The following PDE3A variants were observed in gnomAD, a reference collection of about 807,000 sequenced individuals.
PDE3A encodes the protein phosphodiesterase 3A.
A neutral mutation model predicts 98.3 loss-of-function variants in PDE3A; 43 were observed. The ratio of observed to expected loss-of-function variants is 0.44; its 90% CI spans 0.34 to 0.56. PDE3A has a LOEUF of 0.56. PDE3A is among the 20% of genes least tolerant of loss of function. The pLI is 0.01. For missense variants in PDE3A, 1,427 were observed against 1,440.7 expected, an observed-to-expected ratio of 0.99 and a Z score of 0.15; for synonymous variants, 663 against 567.9, an observed-to-expected ratio of 1.17 and a Z score of -2.38.
intron 15 of PDE3A, among the ~76,000 whole-genome samples, chr12:20,660,704 T>A (rs942544708): frequency 7.2e-5 from 11 of 152,218 alleles, no homozygotes; most frequent in African/African-American, 2.7e-4. Context: ...CTGCCATCCA[T>A]GTAAGATGTG....
intron 1 of PDE3A, among the ~76,000 whole-genome samples, chr12:20,546,888 A>G (rs2121238283): frequency 6.6e-6 from 1 of 152,178 alleles, no homozygotes; most frequent in South Asian, 2.1e-4. Flanking sequence ...TTCCCTAGAT[A>G]ATTTTTTCTT....
At position 20,677,913 on chromosome 12, in the gene PDE3A, G is replaced by T. The variant is rs191070522; in HGVS notation, c.3185-2117G>T. On this transcript the variant is annotated intron_variant, in intron 15 of 15. Coordinates refer to ENST00000359062, the MANE Select transcript of PDE3A (RefSeq NM_000921.5). ...TCTATGATTCCTTCAGTGGCTTAGA[G>T]TGTGGTTATTAGTGGAAGCCTGTTG... 3.8e-3 allele frequency among the ~76,000 whole-genome samples: 571 copies of T among 151,330 alleles called. 3 individuals carry two copies. The highest frequency in any genetic ancestry group is 0.014 in the Middle Eastern group (4 of 294).
At chr12:20,591,514 A>C (rs10770673) in intron 2 of PDE3A, among the ~76,000 whole-genome samples, 1 of 152,134 alleles carries the variant, frequency 6.6e-6, no homozygotes, top group African/African-American at 2.4e-5. Context: ...AAGTAGCCAC[A>C]GGAGTGGCTT....
At chr12:20,475,221 G>GTGTGTGTGT in intron 1 of PDE3A, among the ~76,000 whole-genome samples, 1 of 145,496 alleles carries the variant, frequency 6.9e-6, no homozygotes, top group South Asian at 2.2e-4. Context: ...GTGTGTGTAT[G>GTGTGTGTGT]TTCCTTCTTT....
At chr12:20,510,464 A>C (rs1265504565) in intron 1 of PDE3A, among the ~76,000 whole-genome samples, 1 of 152,122 alleles carries the variant, frequency 6.6e-6, no homozygotes, top group Non-Finnish European at 1.5e-5. Context: ...GAAAAATAGA[A>C]AAAGAGAGAA....
At chr12:20,389,763 T>C (rs537544687) in intron 1 of PDE3A, among the ~76,000 whole-genome samples, 13 of 152,100 alleles carry the variant, frequency 8.5e-5, no homozygotes, top group East Asian at 3.9e-4. Flanking sequence ...AGAAAGGTCA[T>C]AGCTAAATTT....
At chr12:20,474,336 G>A (rs945491587) in intron 1 of PDE3A, among the ~76,000 whole-genome samples, 10 of 151,930 alleles carry the variant, frequency 6.6e-5, no homozygotes, top group South Asian at 2.1e-4. Flanking sequence ...GTCTTTTGTC[G>A]TCTAGATATA....
intron 15 of PDE3A, among the ~76,000 whole-genome samples, chr12:20,674,220 G>T (rs1592174244): frequency 6.6e-6 from 1 of 152,024 alleles, no homozygotes; most frequent in Admixed American, 6.6e-5. Flanking sequence ...TTTTTTGATG[G>T]AGTCTATGTT....
intron 1 of PDE3A, among the ~76,000 whole-genome samples, chr12:20,459,019 A>C (rs975828230): frequency 6.6e-6 from 1 of 152,194 alleles, no homozygotes; most frequent in Non-Finnish European, 1.5e-5. Context: ...TGCAAGAGTG[A>C]TGGAAATAAG....
chr12:20,615,689 A>C (rs1943987573), intron 3 of PDE3A, among the ~76,000 whole-genome samples: 1 of 151,986 alleles, frequency 6.6e-6, no homozygotes, highest in Non-Finnish European at 1.5e-5. Flanking sequence ...TATTTGTATA[A>C]GCATTGAAAT....
At chr12:20,534,073 C>T (rs1204749987) in intron 1 of PDE3A, among the ~76,000 whole-genome samples, 2 of 152,140 alleles carry the variant, frequency 1.3e-5, no homozygotes, top group Non-Finnish European at 2.9e-5. Context: ...TTATTTCTTC[C>T]TGGTAAAACC....
chr12:20,536,252 C>T (rs1345599072), intron 1 of PDE3A, among the ~76,000 whole-genome samples: 2 of 152,056 alleles, frequency 1.3e-5, no homozygotes, highest in African/African-American at 4.8e-5. Context: ...CTCTATTCCT[C>T]AATATTTTTA....
intron 10 of PDE3A, among the ~76,000 whole-genome samples, chr12:20,642,805 A>C (rs946736798): frequency 2.6e-5 from 4 of 152,198 alleles, no homozygotes; most frequent in African/African-American, 9.6e-5. Context: ...GAGGGGCAGA[A>C]CTACCAGAGT....
intron 2 of PDE3A, among the ~76,000 whole-genome samples, chr12:20,577,382 G>A (rs1462836354): frequency 1.3e-5 from 2 of 152,166 alleles, no homozygotes; most frequent in Non-Finnish European, 2.9e-5. Flanking sequence ...AATTCACCCG[G>A]TAGATAATAA....
chr12:20,670,105 C>A (rs1172033881), intron 15 of PDE3A, among the ~76,000 whole-genome samples: 2 of 149,646 alleles, frequency 1.3e-5, no homozygotes, highest in Admixed American at 6.7e-5. Context: ...CAAAGAAGGC[C>A]ATTACATAAT....
chr12:20,602,667 A>G lies in PDE3A; in HGVS notation c.1012-10776A>G, dbSNP rs114699386. Among the ~76,000 whole-genome samples the G allele has an allele frequency of 8.3e-3, 1,271 of 152,300 alleles. 16 individuals carry two copies. Among genetic ancestry groups the G allele is most frequent in the African/African-American group, 0.029 (1,209 of 41,568 alleles). On this transcript the variant is annotated intron_variant, in intron 2 of 15. Coordinates refer to ENST00000359062, the MANE Select transcript of PDE3A (RefSeq NM_000921.5). ...GGGAAGCAGTTTGATGAAGGGCCCTATAGGTTTTCCTCCTACTGTACATAC... is the reference window on the plus strand; with the variant it reads ...GGGAAGCAGTTTGATGAAGGGCCCTGTAGGTTTTCCTCCTACTGTACATAC...
In PDE3A at chr12:20,578,827, G is replaced by C. The variant is rs574954105; in HGVS notation, c.1011+22117G>C. On this transcript the variant is annotated intron_variant, in intron 2 of 15. Coordinates refer to ENST00000359062, the MANE Select transcript of PDE3A (RefSeq NM_000921.5). The stretch of plus-strand genomic sequence containing the variant: ...CATTGGAAAGGATGCCGTCCTGGGG[G>C]CTTTGCAGTTTCATTTGATCACTTC... Among the ~76,000 whole-genome samples the C allele has an allele frequency of 1.1e-4, 16 of 152,170 alleles. No individual in the cohort carries two copies. In the East Asian group the frequency reaches 3.1e-3, roughly 29 times the overall value.
At chr12:20,595,816 T>TA (rs1454261999) in intron 2 of PDE3A, among the ~76,000 whole-genome samples, 1 of 152,188 alleles carries the variant, frequency 6.6e-6, no homozygotes, top group Non-Finnish European at 1.5e-5. Flanking sequence ...AAGCTTTGCT[T>TA]ATTTGTTTTT....
At chr12:20,668,045 G>C (rs1430137978) in intron 15 of PDE3A, among the ~76,000 whole-genome samples, 2 of 152,198 alleles carry the variant, frequency 1.3e-5, no homozygotes, top group Non-Finnish European at 2.9e-5. Context: ...GGAAACGCAA[G>C]GGGTCAGGGA....
Sources: gnomAD v4.1 joint callset for allele counts (sites outside exome capture counted in the v4.1 genomes callset) on GRCh38, gnomAD v4.1.1 for gene constraint, MANE v1.5 for transcripts, NCBI Gene and HGNC (gene_info 2026-07-23, HGNC 2026-07-21) for gene names.